Variants in MTARC2 observed in about 807,000 individuals in gnomAD.
MTARC2 encodes the protein MOCO sulphurase C-terminal domain containing 2.
MTARC2 carries 27 observed loss-of-function variants against 35.6 expected under a neutral mutation model. That is an observed-to-expected ratio of 0.76 (90% CI 0.56 to 1.04). The LOEUF is 1.04. Among genes scored for constraint, MTARC2 ranks in the 50% least tolerant of loss-of-function variants. MTARC2 has a pLI of 0.00. For synonymous variants in MTARC2, 158 were observed against 167.1 expected, an observed-to-expected ratio of 0.95 and a Z score of 0.42; for missense variants, 412 against 432.5, an observed-to-expected ratio of 0.95 and a Z score of 0.42.
chr1:220,765,642 G>A (rs1052999162), intron 4 of MTARC2, among the ~76,000 whole-genome samples: 1 of 148,654 alleles, frequency 6.7e-6, no homozygotes, highest in East Asian at 1.9e-4. Flanking sequence ...GTGCAATCAC[G>A]GCTCACTGCA....
chr1:220,770,525 A>G, intron 4 of MTARC2: 1 of 985,418 alleles, frequency 1.0e-6, no homozygotes, highest in Non-Finnish European at 1.2e-6. Flanking sequence ...CCCTTCAAAT[A>G]CAGATGTTGG....
At position 220,755,216 on chromosome 1, in the gene MTARC2, G is replaced by A. The variant is rs995611170; in HGVS notation, c.446+96G>A. The A allele has an allele frequency of 3.9e-6, 5 of 1,284,362 alleles. No individual in the cohort carries two copies. The African/African-American group carries it at 4.5e-5, about 12-fold the overall frequency. 79.6% of individuals were successfully genotyped at this position (1,284,362 alleles called of 1,614,324 possible). Reference sequence around the variant, plus strand: ...GTCTTGCTATAGTTTCTACAGTAGAGGATGACATTGGTAAAGGAAACATTT... The same window carrying A: ...GTCTTGCTATAGTTTCTACAGTAGAAGATGACATTGGTAAAGGAAACATTT... On this transcript the variant is annotated intron_variant, in intron 2 of 7. Transcript: ENST00000366913.
At chr1:220,761,480 C>T (rs912685354) in intron 2 of MTARC2, among the ~76,000 whole-genome samples, 178 bp from the exon 3 acceptor site, 7 of 152,216 alleles carry the variant, frequency 4.6e-5, no homozygotes, top group African/African-American at 1.7e-4. Flanking sequence ...TTGGGTAGCT[C>T]TTCCCCAGAG....
At chr1:220,760,058 A>G (rs1241976164) in intron 2 of MTARC2, among the ~76,000 whole-genome samples, 1 of 152,148 alleles carries the variant, frequency 6.6e-6, no homozygotes, top group Non-Finnish European at 1.5e-5. Flanking sequence ...AGATGAGGGT[A>G]GGGGAATCAA....
intron 4 of MTARC2, among the ~76,000 whole-genome samples, chr1:220,776,992 A>G (rs1465748838): frequency 1.3e-5 from 2 of 152,190 alleles, no homozygotes; most frequent in Non-Finnish European, 2.9e-5. Context: ...GTCACACCCC[A>G]TCGGAGGTCA....
chr1:220,754,250 G>T (rs1471620226), intron 1 of MTARC2: 1 of 451,062 alleles, frequency 2.2e-6, no homozygotes, highest in Non-Finnish European at 4.5e-6. Flanking sequence ...TCACTCTTCA[G>T]CTCATCCCAT....
intron 4 of MTARC2, among the ~76,000 whole-genome samples, chr1:220,767,491 A>G (rs1671612632): frequency 6.6e-6 from 1 of 152,202 alleles, no homozygotes; most frequent in African/African-American, 2.4e-5. Context: ...ACGATTTTTA[A>G]AAGGCTGCTT....
chr1:220,771,463 T>C (rs941967163), intron 4 of MTARC2, among the ~76,000 whole-genome samples: 2 of 152,092 alleles, frequency 1.3e-5, no homozygotes, highest in Non-Finnish European at 2.9e-5. Context: ...ACACCAGATA[T>C]TGTGTAATGT....
intron 3 of MTARC2, 147 bp downstream of exon 3, chr1:220,761,967 G>A (rs1349485173): frequency 1.9e-5 from 15 of 797,664 alleles, no homozygotes; most frequent in East Asian, 7.7e-5. Flanking sequence ...GCACAGCCTA[G>A]GCAGAGGTAC....
chr1:220,782,066 G>A (rs1672089472), intron 7 of MTARC2, 134 bp downstream of exon 7: 3 of 788,350 alleles, frequency 3.8e-6, no homozygotes, highest in South Asian at 5.1e-5. Flanking sequence ...CTTTGGAGTT[G>A]GAAAATGCCC....
chr1:220,751,528 G>A (rs1013972873), intron 1 of MTARC2, among the ~76,000 whole-genome samples: 3 of 152,180 alleles, frequency 2.0e-5, no homozygotes, highest in African/African-American at 7.2e-5. Context: ...TGTCCAGGGT[G>A]TTATTCCCTG....
At chr1:220,775,288 C>G (rs1212738835) in intron 4 of MTARC2, among the ~76,000 whole-genome samples, 1 of 152,126 alleles carries the variant, frequency 6.6e-6, no homozygotes, top group Non-Finnish European at 1.5e-5. Flanking sequence ...GAGCTGAACC[C>G]TTATGTATAG....
At chr1:220,771,023 G>C (rs1251489257) in intron 4 of MTARC2, among the ~76,000 whole-genome samples, 1 of 152,116 alleles carries the variant, frequency 6.6e-6, no homozygotes, top group Non-Finnish European at 1.5e-5. Context: ...GGCAGTCCAG[G>C]CTCCGTGGCT....
chr1:220,763,016 A>C lies in MTARC2; in HGVS notation c.716A>C (p.Asn239Thr). Reference sequence around the variant, plus strand: ...ATGAAAATGGAGAATTTCAGGCCAAATATTGTGGTGACCGGCTGTGATGCT... The same window carrying C: ...ATGAAAATGGAGAATTTCAGGCCAACTATTGTGGTGACCGGCTGTGATGCT... ...KKMKMENFRP[N>T]IVVTGCDAFE... Residue 239 changes from asparagine (N) to threonine (T), a missense_variant, in exon 4 of 8, where the codon AAT (asparagine) becomes ACT (threonine). Coordinates refer to ENST00000366913, the MANE Select transcript of MTARC2 (RefSeq NM_017898.5). 1 of 1,614,150 alleles carries C rather than the reference A, an allele frequency of 6.2e-7. No individual in the cohort carries two copies.
rs755766041 is a variant in MTARC2, at chr1:220,761,765, A to C, written c.554A>C (p.Asn185Thr). Reference sequence around the variant, plus strand: ...TATAGATTGGTTCAATTTGAGACAAACATGAAGGGAAGAACATCAAGAAAA... The same window carrying C: ...TATAGATTGGTTCAATTTGAGACAACCATGAAGGGAAGAACATCAAGAAAA... ...EAYRLVQFET[N>T]MKGRTSRKLL... The change falls in exon 3 of 8, where the codon AAC becomes ACC. Residue 185 changes from asparagine to threonine, a missense_variant. Physicochemically the swap from Asn to Thr is moderately conservative, Grantham distance 65. Transcript: ENST00000366913. 1.9e-6 allele frequency: 3 copies of C among 1,613,746 alleles called. No individual in the cohort carries two copies. The South Asian group carries it at 3.3e-5, about 18-fold the overall frequency.
chr1:220,774,906 T>C (rs114678046), intron 4 of MTARC2, among the ~76,000 whole-genome samples: 3,581 of 152,222 alleles, frequency 0.024, 107 homozygotes, highest in African/African-American at 0.064. Context: ...CCTCTGTCTG[T>C]GTGGATATAG....
intron 4 of MTARC2, among the ~76,000 whole-genome samples, chr1:220,774,070 C>CT (rs1325736393): frequency 2.1e-5 from 3 of 144,018 alleles, no homozygotes; most frequent in African/African-American, 7.6e-5. Context: ...CTCACATCCT[C>CT]GTTTTTTTTT....
chr1:220,753,641 G>C (rs1236173962), intron 1 of MTARC2, among the ~76,000 whole-genome samples: 1 of 152,188 alleles, frequency 6.6e-6, no homozygotes, highest in Admixed American at 6.5e-5. Context: ...TCTGGAAGGG[G>C]CTGTGCTTTT....
intron 1 of MTARC2, among the ~76,000 whole-genome samples, chr1:220,753,360 C>A (rs967304893): frequency 2.0e-5 from 3 of 152,258 alleles, no homozygotes; most frequent in Admixed American, 2.0e-4. Context: ...CTTTACACTG[C>A]CACACCATCA....
Sources: allele counts gnomAD v4.1 joint callset (sites outside exome capture counted in the v4.1 genomes callset), GRCh38; gene constraint gnomAD v4.1.1; transcripts MANE v1.5; gene names NCBI Gene and HGNC (gene_info 2026-07-23, HGNC 2026-07-21).